NDC1: variants seen among roughly 807,000 people sequenced by gnomAD.
NDC1 encodes nucleoporin NDC1.
Under a neutral mutation model 89.8 loss-of-function variants are expected in NDC1, and 24 were observed. That is an observed-to-expected ratio of 0.27 (90% confidence interval 0.19 to 0.38). The LOEUF is 0.38. NDC1 is among the 10% of genes least tolerant of loss of function. The pLI, the probability that NDC1 is intolerant of heterozygous loss-of-function variation, is 1.00. For missense variants in NDC1, 728 were observed against 797.6 expected (o/e 0.91, Z 1.05); for synonymous variants, 296 against 284.8 (o/e 1.04, Z -0.39).
rs963441866 is a variant in NDC1 at position 53,812,678 on chromosome 1, A to T, written c.704-2932T>A. On this transcript the variant is annotated intron_variant, in intron 6 of 17. Transcript: ENST00000371429. ...AGAGAATTCTAAATGCTTGGAAAAC[A>T]TATATGGGGGAATAATCAAGGAAAA... Among the ~76,000 whole-genome samples, 3 of 152,250 alleles carry T rather than the reference A, an allele frequency of 2.0e-5. No individual in the cohort carries two copies. The South Asian group carries it at 6.2e-4, about 31-fold the overall frequency.
intron 5 of NDC1, among the ~76,000 whole-genome samples, chr1:53,823,306 T>G (rs1470957676): frequency 6.6e-6 from 1 of 152,200 alleles, no homozygotes; most frequent in East Asian, 1.9e-4. Flanking sequence ...CATATATATT[T>G]TTTGACCAAA....
intron 5 of NDC1, among the ~76,000 whole-genome samples, chr1:53,821,218 G>C (rs1553150197): frequency 6.6e-6 from 1 of 152,004 alleles, no homozygotes; most frequent in Non-Finnish European, 1.5e-5. Flanking sequence ...CAGATCACTT[G>C]AGGCCAGGAG....
chr1:53,804,068 A>C (rs1471341737), intron 9 of NDC1, 59 bp from the exon 10 acceptor site: 81 of 1,209,728 alleles, frequency 6.7e-5, no homozygotes, highest in Middle Eastern at 1.9e-4. Flanking sequence ...ATAAAATCTC[A>C]CTAATTGGGT....
At chr1:53,826,087 G>A in intron 4 of NDC1, 151 bp from the exon 5 acceptor site, 1 of 714,216 alleles carries the variant, frequency 1.4e-6, no homozygotes, top group East Asian at 2.9e-5. Flanking sequence ...CAGTAAGTGT[G>A]AACAAGATTA....
chr1:53,810,884 C>A (rs1156499691), intron 6 of NDC1, among the ~76,000 whole-genome samples: 2 of 152,198 alleles, frequency 1.3e-5, no homozygotes, highest in Non-Finnish European at 2.9e-5. Flanking sequence ...CACAAGAGGA[C>A]CCACAGACCC....
rs1181188 is a variant in NDC1, at chr1:53,824,182, G to T, written c.594+1616C>A. ...CCAGGAGGTCAAAGCTGCAGTGAGC[G>T]ATGATCGTGCTACTGCGCTCCAGCC... On this transcript the variant is annotated intron_variant, in intron 5 of 17. Coordinates refer to ENST00000371429, the MANE Select transcript of NDC1 (RefSeq NM_018087.5). Among the ~76,000 whole-genome samples, 1,485 of 149,304 alleles carry T rather than the reference G, an allele frequency of 9.9e-3. 25 individuals are homozygous for T. Among genetic ancestry groups the T allele is most frequent in the African/African-American group, 0.034 (1,368 of 40,380 alleles).
At chr1:53,773,189 T>C (rs1647133829) in intron 16 of NDC1, among the ~76,000 whole-genome samples, 1 of 152,056 alleles carries the variant, frequency 6.6e-6, no homozygotes, top group East Asian at 1.9e-4. Flanking sequence ...AAGGCATTTA[T>C]GATACTGTTA....
chr1:53,786,050 G>A (rs993718094), intron 16 of NDC1, among the ~76,000 whole-genome samples: 10 of 151,990 alleles, frequency 6.6e-5, no homozygotes, highest in Admixed American at 5.9e-4. Flanking sequence ...TCAGCGTCCC[G>A]AGTAGGTGGG....
At chr1:53,773,646 T>C (rs1362160097) in intron 16 of NDC1, among the ~76,000 whole-genome samples, 5 of 152,174 alleles carry the variant, frequency 3.3e-5, no homozygotes, top group Admixed American at 2.0e-4. Context: ...GCAGGGACTT[T>C]TGGGGCGTGA....
At chr1:53,825,129 C>A (rs574009118) in intron 5 of NDC1, among the ~76,000 whole-genome samples, 30 of 152,120 alleles carry the variant, frequency 2.0e-4, no homozygotes, top group African/African-American at 7.0e-4. Context: ...ACCGTGACCA[C>A]GCCACTGCAC....
chr1:53,819,086 G>T lies in NDC1; in HGVS notation c.595-7C>A. 7.2e-7 allele frequency: 1 copy of T among 1,394,920 alleles called. No homozygotes were observed. The highest frequency in any genetic ancestry group is 1.3e-5 in the South Asian group (1 of 78,404). 86.4% of individuals were successfully genotyped at this position (1,394,920 alleles called of 1,614,324 possible). A position where few individuals can be genotyped will look rare whatever the true frequency, so the allele number is the denominator to read the frequency against. On this transcript the variant is annotated splice_region_variant and splice_polypyrimidine_tract_variant and intron_variant, in intron 5 of 17. Coordinates refer to ENST00000371429, the MANE Select transcript of NDC1 (RefSeq NM_018087.5). ...AACGCAAGAACTTGTATTGCTGTGG[G>T]GAAAAAAAAAAGAATCAAATGACAC...
chr1:53,830,326 C>T (rs1037338597), intron 3 of NDC1, among the ~76,000 whole-genome samples: 2 of 151,618 alleles, frequency 1.3e-5, no homozygotes, highest in Non-Finnish European at 2.9e-5. Context: ...TGGTGGCATA[C>T]GCCTGTAATC....
At chr1:53,784,436 T>A (rs1647257209) in intron 16 of NDC1, among the ~76,000 whole-genome samples, 1 of 151,548 alleles carries the variant, frequency 6.6e-6, no homozygotes, top group South Asian at 2.1e-4. Flanking sequence ...GCAGGCGGAT[T>A]ACCTGAGGTC....
At chr1:53,771,708 T>G (rs1339435609) in intron 17 of NDC1, among the ~76,000 whole-genome samples, 1 of 152,254 alleles carries the variant, frequency 6.6e-6, no homozygotes, top group Non-Finnish European at 1.5e-5. Flanking sequence ...TCTTCTAAAG[T>G]TCATTTATAA....
chr1:53,789,354 C>T (rs1647409396), intron 14 of NDC1, among the ~76,000 whole-genome samples, 158 bp from the exon 15 acceptor site: 1 of 152,170 alleles, frequency 6.6e-6, no homozygotes. Context: ...TTGATAATTA[C>T]TCATTTAACT....
intron 2 of NDC1, 40 bp downstream of exon 2, chr1:53,835,460 T>G: frequency 1.3e-6 from 2 of 1,555,062 alleles, no homozygotes; most frequent in Non-Finnish European, 1.7e-6. Flanking sequence ...TGTTGAGAAG[T>G]AGGTCCTATA....
At chr1:53,798,137 T>TC (rs1557575694) in intron 11 of NDC1, among the ~76,000 whole-genome samples, 5 of 122,628 alleles carry the variant, frequency 4.1e-5, no homozygotes, top group South Asian at 2.7e-4. Flanking sequence ...TCCATCTTCT[T>TC]TTTATTATTA....
chr1:53,801,960 T>C (rs995592180), intron 10 of NDC1, among the ~76,000 whole-genome samples: 4 of 152,106 alleles, frequency 2.6e-5, no homozygotes, highest in African/African-American at 9.7e-5. Flanking sequence ...TTTCACCATG[T>C]TGAAACTCCT....
At chr1:53,771,545 A>G (rs1255395456) in intron 17 of NDC1, among the ~76,000 whole-genome samples, 1 of 152,154 alleles carries the variant, frequency 6.6e-6, no homozygotes, top group Admixed American at 6.5e-5. Context: ...TGTCCAATAC[A>G]GTAGCTACTA....
Sources: allele counts gnomAD v4.1 joint callset (sites outside exome capture counted in the v4.1 genomes callset), GRCh38; gene constraint gnomAD v4.1.1; transcripts MANE v1.5; gene names NCBI Gene and HGNC (gene_info 2026-07-23, HGNC 2026-07-21).